Variants in CENPU observed in about 807,000 individuals in gnomAD.
CENPU encodes the protein centromere protein U, also known as KSHV latent nuclear antigen interacting protein 1.
A neutral mutation model predicts 56.7 loss-of-function variants in CENPU; 46 were observed. The ratio of observed to expected loss-of-function variants is 0.81; its 90% CI spans 0.64 to 1.04. The LOEUF is 1.04. CENPU is among the 50% of genes least tolerant of loss of function. CENPU has a pLI of 0.00. For synonymous variants in CENPU, 166 were observed against 163.0 expected (o/e 1.02, Z -0.14); for missense variants, 510 against 490.1 (o/e 1.04, Z -0.38).
intron 2 of CENPU, 77 bp downstream of exon 2, chr4:184,730,843 A>G (rs943080424): frequency 8.9e-7 from 1 of 1,126,746 alleles, no homozygotes. Context: ...AGTGAAGTCT[A>G]CAAAACTGAG....
Position 184,694,934 on chromosome 4 carries a change from A to G in CENPU, c.*354T>C. The G allele has an allele frequency of 1.6e-6, 1 of 623,616 alleles. No individual in the cohort carries two copies. The highest frequency in any genetic ancestry group is 2.7e-6 in the Non-Finnish European group (1 of 371,136). The allele number at this position is 623,616 out of a possible 1,614,324, so 38.6% of individuals were successfully genotyped here. Reference sequence around the variant, plus strand: ...TACTTCTGTAAACCAATTTCATTAAAAATTAGCTTTGGTGTAAATTCAGGA... The same window carrying G: ...TACTTCTGTAAACCAATTTCATTAAGAATTAGCTTTGGTGTAAATTCAGGA... On this transcript the variant is annotated 3_prime_UTR_variant, in exon 13 of 13. Coordinates refer to ENST00000281453, the MANE Select transcript of CENPU (RefSeq NM_024629.4).
chr4:184,716,995 G>GA, intron 5 of CENPU, 141 bp downstream of exon 5: 2 of 638,502 alleles, frequency 3.1e-6, no homozygotes, highest in East Asian at 5.6e-5. Flanking sequence ...AGAACTTTAT[G>GA]AAAAATGGTG....
chr4:184,705,435 G>A lies in CENPU; in HGVS notation c.798-2994C>T, dbSNP rs193133265. On this transcript the variant is annotated intron_variant, in intron 8 of 12. Transcript: ENST00000281453. ...GGGGCTGTGGGTGTAGTTATAAAAG[G>A]GCAACATGAAGACAGCGGGGGCACG... Among the ~76,000 whole-genome samples the A allele has an allele frequency of 3.4e-4, 51 of 152,194 alleles. No individual in the cohort carries two copies. The East Asian group carries it at 8.9e-3, about 26-fold the overall frequency.
intron 6 of CENPU, among the ~76,000 whole-genome samples, chr4:184,715,894 A>G (rs1004742441): frequency 2.0e-5 from 3 of 151,946 alleles, no homozygotes; most frequent in Non-Finnish European, 2.9e-5. Context: ...ATGGAATTAC[A>G]GATGATTTTA....
intron 4 of CENPU, among the ~76,000 whole-genome samples, chr4:184,720,961 G>A (rs1761254030): frequency 1.3e-5 from 2 of 152,116 alleles, no homozygotes; most frequent in South Asian, 4.1e-4. Context: ...CTGGTAATAT[G>A]AAGTACACGG....
At chr4:184,697,255 C>T (rs1561125727) in intron 12 of CENPU, among the ~76,000 whole-genome samples, 1 of 152,032 alleles carries the variant, frequency 6.6e-6, no homozygotes. Flanking sequence ...CAAAAGATGC[C>T]GTGAACATGG....
chr4:184,709,953 TA>T, intron 8 of CENPU, 118 bp downstream of exon 8: 1 of 426,832 alleles, frequency 2.3e-6, no homozygotes. Flanking sequence ...TAATAAAATG[TA>T]AAAATATCTA....
At position 184,694,717 on chromosome 4, in the gene CENPU, A is replaced by C. The variant is rs750199085; in HGVS notation, c.*571T>G. 3 of 1,611,478 alleles carry C rather than the reference A, an allele frequency of 1.9e-6. No individual in the cohort carries two copies. Among genetic ancestry groups the C allele is most frequent in the Admixed American group, 1.7e-5 (1 of 60,004 alleles). ...TGAAGCTGCAGAGAACAGTCTTCTC[A>C]GTTATAACAGTGAAGTGGATGAAAT... On this transcript the variant is annotated 3_prime_UTR_variant, in exon 13 of 13. Coordinates refer to ENST00000281453, the MANE Select transcript of CENPU (RefSeq NM_024629.4).
chr4:184,695,108 C>T lies in CENPU; in HGVS notation c.*180G>A, dbSNP rs917116732. 1.8e-6 allele frequency: 1 copy of T among 563,014 alleles called. No homozygotes were observed. Among genetic ancestry groups the T allele is most frequent in the Admixed American group, 3.1e-5 (1 of 32,326 alleles). 34.9% of individuals were successfully genotyped at this position (563,014 alleles called of 1,614,324 possible). Reference sequence around the variant, plus strand: ...GAAAAGATGATTATGGCCTTTAAAACTATTGGACAAACTGATGCTATTTAA... The same window carrying T: ...GAAAAGATGATTATGGCCTTTAAAATTATTGGACAAACTGATGCTATTTAA... On this transcript the variant is annotated 3_prime_UTR_variant, in exon 13 of 13. Coordinates refer to ENST00000281453, the MANE Select transcript of CENPU (RefSeq NM_024629.4).
At chr4:184,699,267 T>C (rs1760448146) in intron 11 of CENPU, among the ~76,000 whole-genome samples, 1 of 152,004 alleles carries the variant, frequency 6.6e-6, no homozygotes, top group South Asian at 2.1e-4. Context: ...GAGGCGGAGC[T>C]TGCAGTGAGC....
intron 1 of CENPU, chr4:184,733,311 C>A (rs908174438): frequency 2.0e-6 from 2 of 986,376 alleles, no homozygotes; most frequent in Non-Finnish European, 1.2e-6. Flanking sequence ...CTCCTCCAGG[C>A]AGCCTTCCCA....
chr4:184,723,889 C>T (rs1382383487), intron 4 of CENPU, among the ~76,000 whole-genome samples: 1 of 146,490 alleles, frequency 6.8e-6, no homozygotes, highest in Non-Finnish European at 1.5e-5. Context: ...TCCAAAATAA[C>T]CAAGTACTAT....
chr4:184,718,009 G>A (rs1017262104), intron 4 of CENPU, among the ~76,000 whole-genome samples: 12 of 152,316 alleles, frequency 7.9e-5, no homozygotes, highest in South Asian at 6.2e-4. Flanking sequence ...AATAACGAAC[G>A]CTAGGGAAGA....
chr4:184,703,295 G>A (rs1760605754), intron 8 of CENPU, among the ~76,000 whole-genome samples: 1 of 152,186 alleles, frequency 6.6e-6, no homozygotes, highest in Admixed American at 6.5e-5. Flanking sequence ...AGCAAAAGGA[G>A]GAGCAACTGT....
intron 7 of CENPU, among the ~76,000 whole-genome samples, chr4:184,711,483 T>C (rs1760923328): frequency 6.6e-6 from 1 of 152,172 alleles, no homozygotes; most frequent in Middle Eastern, 3.2e-3. Context: ...ATAATCACCC[T>C]ACTGTGCAAC....
At chr4:184,724,135 G>A (rs566776544) in intron 4 of CENPU, among the ~76,000 whole-genome samples, 3 of 151,090 alleles carry the variant, frequency 2.0e-5, no homozygotes, top group Non-Finnish European at 4.4e-5. Flanking sequence ...GCATGGTGGC[G>A]GGCGCCTGTA....
chr4:184,716,293 T>A, intron 6 of CENPU, 104 bp downstream of exon 6: 1 of 746,676 alleles, frequency 1.3e-6, no homozygotes, highest in Non-Finnish European at 2.2e-6. Context: ...ATATAAAATT[T>A]ATCTTTGAAA....
chr4:184,717,637 A>G (rs1475536394), intron 4 of CENPU, among the ~76,000 whole-genome samples: 1 of 152,230 alleles, frequency 6.6e-6, no homozygotes, highest in African/African-American at 2.4e-5. Flanking sequence ...TCAATACAAC[A>G]AATTTATTTA....
At chr4:184,707,252 A>G (rs4444873) in intron 8 of CENPU, among the ~76,000 whole-genome samples, 26,367 of 150,838 alleles carry the variant, frequency 0.17, 3,000 homozygotes, top group African/African-American at 0.25. Context: ...TGTAGAGAGA[A>G]TAACTGCTGT....
Sources: gnomAD v4.1 joint callset for allele counts (sites outside exome capture counted in the v4.1 genomes callset) on GRCh38, gnomAD v4.1.1 for gene constraint, MANE v1.5 for transcripts, NCBI Gene and HGNC (gene_info 2026-07-23, HGNC 2026-07-21) for gene names.